The following COL17A1 variants were observed in gnomAD, a reference collection of about 807,000 sequenced individuals.
The protein encoded by COL17A1 is collagen type XVII alpha 1 chain.
In COL17A1, 181 loss-of-function variants were observed where a neutral mutation model predicts 218.4. That is an observed-to-expected ratio of 0.83 (90% CI 0.73 to 0.94). The LOEUF (loss-of-function observed/expected upper bound fraction) is 0.94. Among genes scored for constraint, COL17A1 ranks in the 40% least tolerant of loss-of-function variants. COL17A1 has a pLI of 0.00. For synonymous variants in COL17A1, 721 were observed against 731.0 expected, an observed-to-expected ratio of 0.99 and a Z score of 0.22; for missense variants, 1,924 against 1,945.9, an observed-to-expected ratio of 0.99 and a Z score of 0.21.
chr10:104,074,429 C>T (rs1399907011), intron 5 of COL17A1, among the ~76,000 whole-genome samples, 198 bp from the exon 6 acceptor site: 1 of 152,288 alleles, frequency 6.6e-6, no homozygotes, highest in African/African-American at 2.4e-5. Flanking sequence ...TGGCCCTGGT[C>T]GCAGCACTTT....
chr10:104,043,768 G>C, intron 34 of COL17A1, 57 bp downstream of exon 34: 1 of 1,600,158 alleles, frequency 6.2e-7, no homozygotes, highest in Admixed American at 1.7e-5. Flanking sequence ...CAGAGTCAAG[G>C]TAGGTGCCCA....
chr10:104,040,042 G>A, intron 40 of COL17A1, 43 bp from the exon 41 acceptor site: 1 of 1,611,790 alleles, frequency 6.2e-7, no homozygotes, highest in Admixed American at 1.7e-5. Flanking sequence ...GTACCAACCA[G>A]GTGTTGTGGT....
chr10:104,063,060 G>A (rs144624316), intron 11 of COL17A1, among the ~76,000 whole-genome samples: 2 of 152,300 alleles, frequency 1.3e-5, no homozygotes, highest in East Asian at 1.9e-4. Flanking sequence ...TAGTCAACTG[G>A]AGGAAGGTGC....
intron 32 of COL17A1, 53 bp from the exon 33 acceptor site, chr10:104,045,846 T>C (rs896890389): frequency 2.1e-5 from 30 of 1,460,356 alleles, no homozygotes; most frequent in Non-Finnish European, 2.8e-5. Flanking sequence ...CAATTCCAGA[T>C]ACCCTTGGGT....
At chr10:104,038,990 G>T in intron 44 of COL17A1, 81 bp downstream of exon 44, 3 of 1,414,412 alleles carry the variant, frequency 2.1e-6, no homozygotes, top group South Asian at 1.1e-5. Context: ...ATGAATGAAC[G>T]AATAGAGCAA....
chr10:104,035,161 C>T, intron 50 of COL17A1, 102 bp downstream of exon 50: 3 of 1,006,788 alleles, frequency 3.0e-6, no homozygotes, highest in South Asian at 2.7e-5. Context: ...CAGCACTGTA[C>T]AGGCTCCAGG....
At position 104,070,534 on chromosome 10, in the gene COL17A1, C is replaced by T; in HGVS notation, c.499G>A (p.Gly167Arg). 2 of 1,614,166 alleles carry T rather than the reference C, an allele frequency of 1.2e-6. No homozygotes were observed. The highest frequency in any genetic ancestry group is 2.2e-5 in the South Asian group (2 of 91,080). The change falls in exon 9 of 56, where the codon GGG becomes AGG. Residue 167 changes from glycine to arginine, a missense_variant. By Grantham distance (125) the Gly-to-Arg change is moderately radical (BLOSUM62 -2). Coordinates refer to ENST00000648076, the MANE Select transcript of COL17A1 (RefSeq NM_000494.4). ...ELDDVKRLLKGSRSASVSPTR... is the reference protein window; with the variant it reads ...ELDDVKRLLKRSRSASVSPTR... ...GGGCTCACACTTGCCGATCGACTCCCCTTGAGCAAACGCTTAACATCATCC... is the reference window on the plus strand; with the variant it reads ...GGGCTCACACTTGCCGATCGACTCCTCTTGAGCAAACGCTTAACATCATCC...
chr10:104,045,198 C>T (rs2086396521), intron 33 of COL17A1, among the ~76,000 whole-genome samples: 1 of 152,152 alleles, frequency 6.6e-6, no homozygotes, highest in African/African-American at 2.4e-5. Context: ...CACATTGCCC[C>T]AGTCAGACCC....
chr10:104,039,496 G>A lies in COL17A1; in HGVS notation c.2845C>T (p.Leu949Phe), dbSNP rs773013845. 3.1e-6 allele frequency: 5 copies of A among 1,614,094 alleles called. No individual in the cohort carries two copies. In the East Asian group the frequency reaches 1.1e-4, roughly 36 times the overall value. ...TSGSSSFGLN[L>F]QGPPGPPGPQ... ...CCAGGTGGGCCTGGTGGTCCCTGAA[G>A]GTTGAGTCCGAAAGAACTGGACCCT... The change falls in exon 43 of 56, where the codon CTT (leucine) becomes TTT (phenylalanine). Residue 949 changes from leucine to phenylalanine, a missense_variant. By Grantham distance (22) the Leu-to-Phe change is conservative (BLOSUM62 0). Transcript: ENST00000648076.
chr10:104,038,340 C>A (rs764969251), intron 45 of COL17A1, 66 bp downstream of exon 45: 75 of 1,606,932 alleles, frequency 4.7e-5, no homozygotes, highest in Non-Finnish European at 6.1e-5. Flanking sequence ...GATACCACAG[C>A]TCCCTTGCAA....
chr10:104,038,368 G>A (rs778880328), intron 45 of COL17A1, 38 bp downstream of exon 45: 6 of 1,612,832 alleles, frequency 3.7e-6, no homozygotes, highest in Middle Eastern at 1.6e-4. Context: ...GTATCTCCAT[G>A]TTCTTGTCCC....
At chr10:104,050,001 T>A (rs2086451859) in intron 28 of COL17A1, 88 bp downstream of exon 28, 1 of 1,600,494 alleles carries the variant, frequency 6.2e-7, no homozygotes, top group Non-Finnish European at 8.5e-7. Flanking sequence ...AGATTCGGTC[T>A]CTTACTTCTG....
In COL17A1 at chr10:104,034,350, C is replaced by A; in HGVS notation, c.3767-16G>T. 6.5e-7 allele frequency: 1 copy of A among 1,543,032 alleles called. No individual in the cohort carries two copies. The highest frequency in any genetic ancestry group is 2.4e-5 in the East Asian group (1 of 41,330). The stretch of plus-strand genomic sequence containing the variant: ...ACATCAGGACCTGCAGGGTGAGAAG[C>A]TGCATGAGTGGGAGCTCAGATCTCG... On this transcript the variant is annotated splice_polypyrimidine_tract_variant and intron_variant, in intron 51 of 55. Coordinates refer to ENST00000648076, the MANE Select transcript of COL17A1 (RefSeq NM_000494.4).
chr10:104,059,403 C>T (rs1589569772), intron 15 of COL17A1: 1 of 581,518 alleles, frequency 1.7e-6, no homozygotes, highest in Admixed American at 3.0e-5. Flanking sequence ...ATGGCAGAGG[C>T]AGGCTTTTGC....
Position 104,060,221 on chromosome 10 carries a change from G to A in COL17A1, c.1039C>T (p.Leu347=), listed in dbSNP as rs1489304201. Residue 347 remains leucine (L), a synonymous_variant, in exon 14 of 56, where the codon CTA becomes TTA. Coordinates refer to ENST00000648076, the MANE Select transcript of COL17A1 (RefSeq NM_000494.4). ...LLHKDCKFLI[L]EKDNTPAKKE... is the part of the protein sequence containing the mutation. ...TTGGCAGGTGTGTTGTCTTTCTCTAGGATCAGGAACTTGCAGTCCTTGTGC... is the reference window on the plus strand; with the variant it reads ...TTGGCAGGTGTGTTGTCTTTCTCTAAGATCAGGAACTTGCAGTCCTTGTGC... 4.3e-6 allele frequency: 7 copies of A among 1,614,014 alleles called. No homozygotes were observed. The highest frequency in any genetic ancestry group is 5.9e-6 in the Non-Finnish European group (7 of 1,180,028).
At chr10:104,048,660 G>A (rs559591952) in intron 29 of COL17A1, among the ~76,000 whole-genome samples, 65 of 152,252 alleles carry the variant, frequency 4.3e-4, no homozygotes, top group African/African-American at 1.4e-3. Flanking sequence ...TGTACCTTGC[G>A]TGACACTTGT....
At chr10:104,034,538 C>G in intron 51 of COL17A1, 83 bp downstream of exon 51, 1 of 1,555,558 alleles carries the variant, frequency 6.4e-7, no homozygotes, top group Non-Finnish European at 8.7e-7. Context: ...CTTCCTGTCC[C>G]TTTAAGTGCC....
intron 27 of COL17A1, 44 bp downstream of exon 27, chr10:104,050,577 T>C: frequency 1.2e-6 from 2 of 1,612,172 alleles, no homozygotes; most frequent in Non-Finnish European, 1.7e-6. Flanking sequence ...CTCCCAGGAG[T>C]GAGGCAGGCC....
chr10:104,060,523 A>T (rs1318169737), intron 13 of COL17A1, among the ~76,000 whole-genome samples: 1 of 151,974 alleles, frequency 6.6e-6, no homozygotes, highest in Non-Finnish European at 1.5e-5. Context: ...GAAGCTCTGG[A>T]TGGCTGGTTT....
Sources: allele counts gnomAD v4.1 joint callset (sites outside exome capture counted in the v4.1 genomes callset), GRCh38; gene constraint gnomAD v4.1.1; transcripts MANE v1.5; gene names NCBI Gene and HGNC (gene_info 2026-07-23, HGNC 2026-07-21).